The following GRM7 variants were observed in gnomAD, a reference collection of about 807,000 sequenced individuals.
GRM7 encodes the protein glutamate metabotropic receptor 7.
In GRM7, 35 loss-of-function variants were observed where a neutral mutation model predicts 84.5. The ratio of observed to expected loss-of-function variants is 0.41; its 90% CI spans 0.32 to 0.55. The LOEUF (loss-of-function observed/expected upper bound fraction) is 0.55. Among genes scored for constraint, GRM7 ranks in the 20% least tolerant of loss-of-function variants. The probability of loss-of-function intolerance (pLI) is 0.19; values close to 1 mark genes in which losing one functional copy is unlikely to be tolerated. For synonymous variants in GRM7, 487 were observed against 455.1 expected (o/e 1.07, Z -0.89); for missense variants, 1,003 against 1,194.6 (o/e 0.84, Z 2.36).
chr3:7,277,969 C>T (rs1409789703), intron 2 of GRM7, among the ~76,000 whole-genome samples: 1 of 152,028 alleles, frequency 6.6e-6, no homozygotes, highest in Non-Finnish European at 1.5e-5. Context: ...TGAAGTCATA[C>T]ATTATTGCTG....
chr3:7,629,254 A>T (rs1697759540), intron 8 of GRM7, among the ~76,000 whole-genome samples: 1 of 152,218 alleles, frequency 6.6e-6, no homozygotes, highest in Non-Finnish European at 1.5e-5. Flanking sequence ...GCAAAGAGGT[A>T]GGTAGAGTTG....
At chr3:7,102,273 T>A (rs866600572) in intron 1 of GRM7, among the ~76,000 whole-genome samples, 31 of 147,904 alleles carry the variant, frequency 2.1e-4, no homozygotes, top group African/African-American at 7.5e-4. Context: ...GTTGTTTGTG[T>A]GTTTATTTTG....
intron 5 of GRM7, among the ~76,000 whole-genome samples, chr3:7,442,735 C>T (rs1025490939): frequency 1.3e-5 from 2 of 152,100 alleles, no homozygotes; most frequent in Admixed American, 1.3e-4. Context: ...ATGTGTGCCC[C>T]TTAATTAGAT....
chr3:6,980,313 A>C (rs1694152401), intron 1 of GRM7, among the ~76,000 whole-genome samples: 1 of 152,140 alleles, frequency 6.6e-6, no homozygotes, highest in Admixed American at 6.6e-5. Flanking sequence ...TTTGCTGAAA[A>C]CTGTTGATCT....
chr3:6,923,039 G>T (rs1468254882), intron 1 of GRM7, among the ~76,000 whole-genome samples: 1 of 150,632 alleles, frequency 6.6e-6, no homozygotes, highest in African/African-American at 2.4e-5. Flanking sequence ...TTTTTGCAAC[G>T]GAGTCTTGCT....
At chr3:7,721,784 G>A (rs997301652) in intron 9 of GRM7, among the ~76,000 whole-genome samples, 6 of 152,254 alleles carry the variant, frequency 3.9e-5, no homozygotes, top group Non-Finnish European at 5.9e-5. Context: ...CAAGACTAGC[G>A]GGGCCATTGA....
rs557533552 is a variant in GRM7, at chr3:7,316,031, A to G, written c.1033+9379A>G. On this transcript the variant is annotated intron_variant, in intron 4 of 9. Coordinates refer to ENST00000357716, the MANE Select transcript of GRM7 (RefSeq NM_000844.4). Reference sequence around the variant, plus strand: ...TACTCTCATCAAGATGTCTTTTGATAAGTGATTTGAATAAATAAAGGAATT... The same window carrying G: ...TACTCTCATCAAGATGTCTTTTGATGAGTGATTTGAATAAATAAAGGAATT... 7.9e-4 allele frequency among the ~76,000 whole-genome samples: 120 copies of G among 152,292 alleles called. 1 individual carries two copies. Among genetic ancestry groups the G allele is most frequent in the Middle Eastern group, 3.4e-3 (1 of 294 alleles).
chr3:7,320,681 AGTGTGTGTGTGTGTGTGTGTGTGTGT>A (rs56313913), intron 4 of GRM7, among the ~76,000 whole-genome samples: 2 of 141,252 alleles, frequency 1.4e-5, no homozygotes, highest in East Asian at 2.2e-4. Context: ...GTGGGTGATC[AGTGTGTGTGTGTGTGTGTGTGTGTGT>A]GTGTGTGTGT....
At chr3:7,308,305 C>CCAACCAAG (rs1347937523) in intron 4 of GRM7, among the ~76,000 whole-genome samples, 1 of 152,066 alleles carries the variant, frequency 6.6e-6, no homozygotes, top group East Asian at 1.9e-4. Context: ...CCATCTCACC[C>CCAACCAAG]CAACCAAGTG....
chr3:7,695,679 T>C (rs1294752987), intron 9 of GRM7, among the ~76,000 whole-genome samples: 1 of 152,194 alleles, frequency 6.6e-6, no homozygotes, highest in African/African-American at 2.4e-5. Flanking sequence ...GATGTGGCCA[T>C]GTTGCCTACT....
chr3:7,667,183 A>C (rs1699736059), intron 8 of GRM7, among the ~76,000 whole-genome samples: 2 of 151,894 alleles, frequency 1.3e-5, no homozygotes, highest in African/African-American at 2.4e-5. Context: ...CAAGAGGACT[A>C]CTTGAGCCCA....
At chr3:7,577,768 T>C (rs952123068) in intron 7 of GRM7, among the ~76,000 whole-genome samples, 1 of 152,200 alleles carries the variant, frequency 6.6e-6, no homozygotes, top group South Asian at 2.1e-4. Flanking sequence ...AATAGTCTAA[T>C]ACAATTAAAG....
chr3:6,934,559 G>T (rs1288168977), intron 1 of GRM7, among the ~76,000 whole-genome samples: 1 of 152,150 alleles, frequency 6.6e-6, no homozygotes, highest in Non-Finnish European at 1.5e-5. Context: ...GTATTTGTAT[G>T]TATCTATAGG....
chr3:7,228,705 G>A (rs1467877497), intron 2 of GRM7, among the ~76,000 whole-genome samples: 5 of 152,200 alleles, frequency 3.3e-5, no homozygotes, highest in African/African-American at 4.8e-5. Flanking sequence ...AGAGATTTAT[G>A]AGATTTGGAA....
At chr3:7,125,936 G>A (rs1205873571) in intron 1 of GRM7, among the ~76,000 whole-genome samples, 1 of 152,102 alleles carries the variant, frequency 6.6e-6, no homozygotes, top group Non-Finnish European at 1.5e-5. Flanking sequence ...GATAGAAATG[G>A]GATTTATCCG....
intron 2 of GRM7, 92 bp downstream of exon 2, chr3:7,146,760 A>C (rs968632179): frequency 2.2e-5 from 18 of 818,366 alleles, no homozygotes; most frequent in Middle Eastern, 2.7e-4. Flanking sequence ...AACACTACAG[A>C]CTCTTACATT....
intron 1 of GRM7, among the ~76,000 whole-genome samples, chr3:6,887,705 T>C (rs1335506023): frequency 6.6e-6 from 1 of 152,114 alleles, no homozygotes; most frequent in East Asian, 1.9e-4. Flanking sequence ...GTGCATGTGT[T>C]TTTATAGCAG....
chr3:7,138,069 T>A (rs537106829), intron 1 of GRM7, among the ~76,000 whole-genome samples: 1 of 152,056 alleles, frequency 6.6e-6, no homozygotes, highest in Non-Finnish European at 1.5e-5. Flanking sequence ...TCTATAGATA[T>A]AATTTTATAT....
intron 7 of GRM7, among the ~76,000 whole-genome samples, chr3:7,553,231 G>T (rs535648465): frequency 1.3e-5 from 2 of 152,246 alleles, no homozygotes; most frequent in African/African-American, 4.8e-5. Flanking sequence ...TTCCCAACAA[G>T]TTCCTCATCT....
Sources: gnomAD v4.1 joint callset for allele counts (sites outside exome capture counted in the v4.1 genomes callset) on GRCh38, gnomAD v4.1.1 for gene constraint, MANE v1.5 for transcripts, NCBI Gene and HGNC (gene_info 2026-07-23, HGNC 2026-07-21) for gene names.